AVEN: variants seen among roughly 807,000 people sequenced by gnomAD.
AVEN encodes the protein apoptosis and caspase activation inhibitor.
AVEN carries 41 observed loss-of-function variants against 38.1 expected under a neutral mutation model. The observed-to-expected ratio is 1.08, with a 90% confidence interval of 0.84 to 1.40. The LOEUF (loss-of-function observed/expected upper bound fraction) is 1.40, where lower values mean the gene tolerates loss of function less well. Among genes scored for constraint, AVEN ranks in the 40% most tolerant of loss-of-function variants. The pLI is 0.00. For missense variants in AVEN, 605 were observed against 438.8 expected, an observed-to-expected ratio of 1.38 and a Z score of -3.38; for synonymous variants, 206 against 171.8, an observed-to-expected ratio of 1.20 and a Z score of -1.56.
chr15:34,018,417 T>A (rs1225629585), intron 1 of AVEN: 1 of 152,186 alleles, frequency 6.6e-6, no homozygotes, highest in Admixed American at 6.5e-5. Flanking sequence ...TTCCTTCCGG[T>A]GGGTTCGTGG....
At chr15:33,913,077 T>C (rs1341854696) in intron 2 of AVEN, among the ~76,000 whole-genome samples, 9 of 152,058 alleles carry the variant, frequency 5.9e-5, no homozygotes, top group East Asian at 1.9e-4. Flanking sequence ...TTCGTAGAGA[T>C]GGGGTTTCTC....
the AVEN span, chr15:33,851,887 T>A: frequency 1.3e-5 from 2 of 152,146 alleles, no homozygotes; most frequent in Non-Finnish European, 2.9e-5. Context: ...AAAGTCAAAA[T>A]AATTGTTATT....
chr15:33,960,972 T>C (rs1895139113), intron 2 of AVEN, among the ~76,000 whole-genome samples: 1 of 152,204 alleles, frequency 6.6e-6, no homozygotes, highest in Admixed American at 6.5e-5. Context: ...ATTTTTACCT[T>C]ATCAAATGTA....
intron 2 of AVEN, among the ~76,000 whole-genome samples, chr15:33,985,132 T>A (rs1896366869): frequency 6.6e-6 from 1 of 151,968 alleles, no homozygotes; most frequent in African/African-American, 2.4e-5. Context: ...TGCCAATAAC[T>A]ATGCAGGGTC....
At chr15:33,973,729 T>C (rs1214385451) in intron 2 of AVEN, among the ~76,000 whole-genome samples, 2 of 152,220 alleles carry the variant, frequency 1.3e-5, no homozygotes, top group Non-Finnish European at 2.9e-5. Flanking sequence ...TATAGTTGTC[T>C]GACATACGAA....
intron 2 of AVEN, among the ~76,000 whole-genome samples, chr15:33,877,983 G>A (rs1159192542): frequency 1.3e-5 from 2 of 151,816 alleles, no homozygotes; most frequent in African/African-American, 4.8e-5. Context: ...AAACAAAATG[G>A]AAGAAAATAT....
In AVEN at chr15:34,004,578, A is replaced by G. The variant is rs537142831; in HGVS notation, c.268-1369T>C. 2.6e-5 allele frequency among the ~76,000 whole-genome samples: 4 copies of G among 152,320 alleles called. No homozygotes were observed. In the South Asian group the frequency reaches 8.3e-4, roughly 32 times the overall value. The stretch of plus-strand genomic sequence containing the variant: ...ACCACTAATTTATTGTTTGTTTGTT[A>G]TAATACTGGTATTGCAATTTTTTAA... On this transcript the variant is annotated intron_variant, in intron 1 of 5. Coordinates refer to ENST00000306730, the MANE Select transcript of AVEN (RefSeq NM_020371.3).
downstream of AVEN, chr15:33,854,974 C>T (rs1353620765): frequency 2.7e-6 from 4 of 1,485,604 alleles, no homozygotes; most frequent in African/African-American, 2.8e-5. Flanking sequence ...AAAAGAACAG[C>T]AGGTAGTATA....
At chr15:33,852,485 G>A in the AVEN span, 2 of 154,964 alleles carry the variant, frequency 1.3e-5, no homozygotes, top group African/African-American at 4.8e-5. Flanking sequence ...CAGGCCCTGT[G>A]GCATTACGTG....
chr15:34,073,189 C>T (rs4377132), intron 1 of AVEN, among the ~76,000 whole-genome samples: 2 of 148,176 alleles, frequency 1.3e-5, no homozygotes, highest in African/African-American at 2.5e-5. Flanking sequence ...TACAGGCGCC[C>T]GCCACCTCGC....
intron 2 of AVEN, among the ~76,000 whole-genome samples, chr15:33,892,105 A>G (rs944531502): frequency 2.6e-5 from 4 of 151,946 alleles, no homozygotes; most frequent in Non-Finnish European, 5.9e-5. Flanking sequence ...TGTTTGAGTT[A>G]TTTGTAGATT....
intron 2 of AVEN, among the ~76,000 whole-genome samples, chr15:33,890,465 C>T (rs1485663527): frequency 6.6e-6 from 1 of 152,084 alleles, no homozygotes. Context: ...AACAAATGAA[C>T]ATCAGTAGTC....
rs552571195 is a variant in AVEN at position 33,995,185 on chromosome 15, G to A, written c.445+7847C>T. Among the ~76,000 whole-genome samples the A allele has an allele frequency of 6.6e-5, 10 of 152,190 alleles. No individual in the cohort carries two copies. In the East Asian group the frequency reaches 1.9e-3, roughly 29 times the overall value. ...AGGCTGGGGCAGGAGGATTGCTTGAGCCCAGGAGGTCAAGGCTGCAGTGAG... is the reference window on the plus strand; with the variant it reads ...AGGCTGGGGCAGGAGGATTGCTTGAACCCAGGAGGTCAAGGCTGCAGTGAG... On this transcript the variant is annotated intron_variant, in intron 2 of 5. Transcript: ENST00000306730.
intron 2 of AVEN, chr15:33,883,761 C>T (rs1198374223): frequency 1.3e-5 from 2 of 152,024 alleles, no homozygotes; most frequent in Non-Finnish European, 2.9e-5. Flanking sequence ...AGGATTTTTC[C>T]TTTTGGAACG....
chr15:33,862,152 G>C (rs149606109), downstream of AVEN, among the ~76,000 whole-genome samples: 787 of 152,100 alleles, frequency 5.2e-3, 2 homozygotes, highest in South Asian at 0.014. Flanking sequence ...AAAATAAAAT[G>C]CTGGGCTCTG....
rs1893945145 is a variant in AVEN, at chr15:33,933,524, C to CACACACACACAGAG, written c.446-57530_446-57529insCTCTGTGTGTGTGT. ...ACACACACACACACACACACACACA[C>CACACACACACAGAG]AGAGAGAGAGAGAGAGAGAGAGAGA... On this transcript the variant is annotated intron_variant, in intron 2 of 5. Transcript: ENST00000306730. Among the ~76,000 whole-genome samples, 36 of 46,640 alleles carry CACACACACACAGAG rather than the reference C, an allele frequency of 7.7e-4. 2 individuals carry two copies. Among genetic ancestry groups the CACACACACACAGAG allele is most frequent in the Non-Finnish European group, 1.2e-3 (28 of 22,448 alleles). The allele number at this position is 46,640 out of a possible 152,430, so 30.6% of individuals were successfully genotyped here. A position where few individuals can be genotyped will look rare whatever the true frequency, so the allele number is the denominator to read the frequency against.
chr15:33,906,094 A>G (rs942005738), intron 2 of AVEN, among the ~76,000 whole-genome samples: 69 of 152,330 alleles, frequency 4.5e-4, no homozygotes, highest in African/African-American at 1.6e-3. Context: ...TCAAGCTTAA[A>G]GCTACTTGGT....
rs144447020 is a variant in AVEN at position 33,927,768 on chromosome 15, A to C, written c.446-51773T>G. Among the ~76,000 whole-genome samples the C allele has an allele frequency of 5.1e-3, 778 of 152,346 alleles. 8 individuals are homozygous for C. Among genetic ancestry groups the C allele is most frequent in the African/African-American group, 0.018 (751 of 41,574 alleles). On this transcript the variant is annotated intron_variant, in intron 2 of 5. Transcript: ENST00000306730. Reference sequence around the variant, plus strand: ...AATCTGTTAAGAACACTTTCTTTCCATTCAAACTTCACACTTTTCCTCATG... The same window carrying C: ...AATCTGTTAAGAACACTTTCTTTCCCTTCAAACTTCACACTTTTCCTCATG...
intron 2 of AVEN, among the ~76,000 whole-genome samples, chr15:33,961,382 C>T (rs1392498751): frequency 1.3e-5 from 2 of 152,168 alleles, no homozygotes; most frequent in Non-Finnish European, 1.5e-5. Flanking sequence ...AATGGTATGT[C>T]TCATAGGAGG....
Sources: gnomAD v4.1 joint callset for allele counts (sites outside exome capture counted in the v4.1 genomes callset) on GRCh38, gnomAD v4.1.1 for gene constraint, MANE v1.5 for transcripts, NCBI Gene and HGNC (gene_info 2026-07-23, HGNC 2026-07-21) for gene names.